Variants in ALG1L2 observed in about 807,000 individuals in gnomAD.
The protein encoded by ALG1L2 is putative glycosyltransferase ALG1L2.
ALG1L2 carries 32 observed loss-of-function variants against 29.0 expected under a neutral mutation model. The ratio of observed to expected loss-of-function variants is 1.10; its 90% CI spans 0.83 to 1.48. The LOEUF is 1.48. ALG1L2 is among the 40% of genes most tolerant of loss of function. The probability of loss-of-function intolerance (pLI) is 0.00; values close to 1 mark genes in which losing one functional copy is unlikely to be tolerated. For missense variants in ALG1L2, 318 were observed against 274.1 expected, an observed-to-expected ratio of 1.16 and a Z score of -1.13; for synonymous variants, 110 against 109.5, an observed-to-expected ratio of 1.00 and a Z score of -0.03.
intron 2 of ALG1L2, among the ~76,000 whole-genome samples, chr3:130,091,621 G>T (rs1160344366): frequency 4.6e-5 from 7 of 152,196 alleles, no homozygotes; most frequent in African/African-American, 7.2e-5. Flanking sequence ...GGCCCACAAA[G>T]CCTGAAGTAT....
intron 7 of ALG1L2, 82 bp downstream of exon 7, chr3:130,097,332 A>G (rs528424166): frequency 6.4e-6 from 10 of 1,566,308 alleles, no homozygotes; most frequent in Non-Finnish European, 8.6e-6. Flanking sequence ...CCTGTTTCAC[A>G]CAGCCAGGGT....
chr3:130,088,212 T>A (rs1459730944), intron 1 of ALG1L2, among the ~76,000 whole-genome samples: 3 of 152,290 alleles, frequency 2.0e-5, no homozygotes, highest in African/African-American at 7.2e-5. Context: ...AACCAGGAAG[T>A]GCCTCAGTGG....
chr3:130,085,240 G>A (rs1427582792), intron 1 of ALG1L2, among the ~76,000 whole-genome samples: 7 of 146,542 alleles, frequency 4.8e-5, no homozygotes, highest in Admixed American at 2.1e-4. Flanking sequence ...GATTACAGAC[G>A]TGAGCCACCG....
At chr3:130,083,366 C>T (rs943746612) in intron 1 of ALG1L2, among the ~76,000 whole-genome samples, 1 of 129,076 alleles carries the variant, frequency 7.7e-6, no homozygotes, top group African/African-American at 2.6e-5. Context: ...ATGGTCTGAA[C>T]CCGGGAGGCA....
chr3:130,096,996 C>G (rs541655260), intron 6 of ALG1L2, among the ~76,000 whole-genome samples, 179 bp from the exon 7 acceptor site: 8 of 152,242 alleles, frequency 5.3e-5, no homozygotes, highest in East Asian at 1.9e-4. Context: ...GATGTGCACC[C>G]CCCCCAGGCT....
chr3:130,094,016 G>C, intron 4 of ALG1L2: 2 of 283,666 alleles, frequency 7.1e-6, no homozygotes, highest in East Asian at 2.0e-4. Context: ...CAGGGCAGGG[G>C]CGGCTTGGAA....
rs1445447723 is a variant in ALG1L2, at chr3:130,082,495, G to A, written c.20+459G>A. Among the ~76,000 whole-genome samples, 11 of 132,066 alleles carry A rather than the reference G, an allele frequency of 8.3e-5. 1 individual carries two copies. Among genetic ancestry groups the A allele is most frequent in the Admixed American group, 3.2e-4 (4 of 12,688 alleles). 86.6% of individuals were successfully genotyped at this position (132,066 alleles called of 152,430 possible). A position where few individuals can be genotyped will look rare whatever the true frequency, so the allele number is the denominator to read the frequency against. ...TGGGACTACAGCCACCTGCCACCAC[G>A]CCTGGCTAATTTTTGTATTTTTAGT... On this transcript the variant is annotated intron_variant, in intron 1 of 7. Coordinates refer to ENST00000425059, the MANE Select transcript of ALG1L2 (RefSeq NM_001136152.1).
At chr3:130,087,531 T>C (rs1271332640) in intron 1 of ALG1L2, among the ~76,000 whole-genome samples, 17 of 149,356 alleles carry the variant, frequency 1.1e-4, no homozygotes, top group African/African-American at 3.9e-4. Context: ...CAGGGTTAGT[T>C]TCCTGATTTT....
chr3:130,091,466 G>C (rs1441840888), intron 2 of ALG1L2, 95 bp downstream of exon 2: 12 of 1,332,636 alleles, frequency 9.0e-6, no homozygotes, highest in Non-Finnish European at 1.0e-5. Flanking sequence ...CTCATCCAGG[G>C]ATTGGCAAAC....
chr3:130,091,983 A>C lies in ALG1L2; in HGVS notation c.132-118A>C, dbSNP rs965439072. 45 of 1,515,692 alleles carry C rather than the reference A, an allele frequency of 3.0e-5. No homozygotes were observed. In the African/African-American group the frequency reaches 6.0e-4, roughly 20 times the overall value. 93.9% of individuals were successfully genotyped at this position (1,515,692 alleles called of 1,614,324 possible). ...TGGCAGGGGTGGCCTGGTGCTGCTG[A>C]TGCAGCCGGGCACCCCAACCGTTGG... On this transcript the variant is annotated intron_variant, in intron 2 of 7. Transcript: ENST00000425059.
intron 5 of ALG1L2, among the ~76,000 whole-genome samples, chr3:130,095,324 C>G (rs540289848): frequency 6.6e-6 from 1 of 151,616 alleles, no homozygotes; most frequent in Non-Finnish European, 1.5e-5. Flanking sequence ...ACCCATCATG[C>G]CTGGCCCCAG....
At chr3:130,092,645 C>A (rs1005681056) in intron 3 of ALG1L2, among the ~76,000 whole-genome samples, 6 of 152,208 alleles carry the variant, frequency 3.9e-5, no homozygotes, top group African/African-American at 1.2e-4. Context: ...ATGCCCCCTC[C>A]AGGAGAGTAT....
intron 6 of ALG1L2, 135 bp from the exon 7 acceptor site, chr3:130,097,040 C>G (rs552453474): frequency 2.1e-4 from 307 of 1,462,210 alleles, no homozygotes; most frequent in Non-Finnish European, 2.5e-4. Flanking sequence ...CTAAGAACCA[C>G]CTCCCAGAAG....
intron 6 of ALG1L2, 129 bp from the exon 7 acceptor site, chr3:130,097,046 A>G (rs1935154186): frequency 4.1e-6 from 6 of 1,471,128 alleles, no homozygotes; most frequent in South Asian, 2.8e-5. Flanking sequence ...ACCACCTCCC[A>G]GAAGCCACAC....
At chr3:130,097,653 T>C (rs573167193) in intron 7 of ALG1L2, among the ~76,000 whole-genome samples, 2 of 152,318 alleles carry the variant, frequency 1.3e-5, no homozygotes, top group South Asian at 2.1e-4. Context: ...ATCATTCTTG[T>C]CAACAGAATG....
At chr3:130,094,753 G>A (rs1038757357) in intron 5 of ALG1L2, among the ~76,000 whole-genome samples, 1 of 152,138 alleles carries the variant, frequency 6.6e-6, no homozygotes, top group Non-Finnish European at 1.5e-5. Flanking sequence ...AGCCTGCCAC[G>A]CCCTCCATTC....
intron 4 of ALG1L2, 31 bp downstream of exon 4, chr3:130,093,191 G>C: frequency 6.2e-7 from 1 of 1,605,790 alleles, no homozygotes; most frequent in Non-Finnish European, 8.5e-7. Context: ...TGTCTGTTTG[G>C]TTGGGGGATG....
intron 1 of ALG1L2, among the ~76,000 whole-genome samples, chr3:130,086,607 G>GC (rs1934895098): frequency 6.7e-6 from 1 of 149,704 alleles, no homozygotes; most frequent in African/African-American, 2.4e-5. Context: ...AGCCCAGGAG[G>GC]TCAAGGCTGC....
At chr3:130,097,868 T>C (rs1935176409) in intron 7 of ALG1L2, among the ~76,000 whole-genome samples, 1 of 152,214 alleles carries the variant, frequency 6.6e-6, no homozygotes. Context: ...TAGTTTGTGA[T>C]CCTTGATTCA....
Sources: allele counts gnomAD v4.1 joint callset (sites outside exome capture counted in the v4.1 genomes callset), GRCh38; gene constraint gnomAD v4.1.1; transcripts MANE v1.5; gene names NCBI Gene and HGNC (gene_info 2026-07-23, HGNC 2026-07-21).